The following IL1RAPL1 variants were observed in gnomAD, a reference collection of about 807,000 sequenced individuals.
The protein encoded by IL1RAPL1 is interleukin 1 receptor accessory protein like 1.
A neutral mutation model predicts 48.4 loss-of-function variants in IL1RAPL1; 3 were observed. The observed-to-expected ratio is 0.06, with a 90% confidence interval of 0.03 to 0.16. The LOEUF (loss-of-function observed/expected upper bound fraction) is 0.16, where lower values mean the gene tolerates loss of function less well. Among genes scored for constraint, IL1RAPL1 ranks in the 10% least tolerant of loss-of-function variants. The pLI, the probability that IL1RAPL1 is intolerant of heterozygous loss-of-function variation, is 1.00. For synonymous variants in IL1RAPL1, 185 were observed against 187.7 expected, an observed-to-expected ratio of 0.99 and a Z score of 0.12; for missense variants, 349 against 530.6, an observed-to-expected ratio of 0.66 and a Z score of 3.36.
intron 5 of IL1RAPL1, among the ~76,000 whole-genome samples, chrX:29,667,452 G>C (rs1926029120): frequency 8.9e-6 from 1 of 111,951 alleles, no homozygotes; most frequent in Non-Finnish European, 1.9e-5. Flanking sequence ...AAGAAAGAAA[G>C]CCCTCAAAGC....
chrX:29,010,664 AAAAT>A (rs1569218814), intron 2 of IL1RAPL1, among the ~76,000 whole-genome samples: 2 of 112,085 alleles, frequency 1.8e-5, no homozygotes, highest in African/African-American at 3.2e-5. Context: ...GTGTATTCAA[AAAAT>A]AAATAAATAA....
chrX:28,848,651 G>C (rs759875339), intron 2 of IL1RAPL1, among the ~76,000 whole-genome samples: 1 of 111,321 alleles, frequency 9.0e-6, no homozygotes, highest in South Asian at 3.7e-4. Context: ...TGGGTTCTTG[G>C]GATGCTTCCA....
At chrX:29,581,970 C>A (rs980546953) in intron 5 of IL1RAPL1, among the ~76,000 whole-genome samples, 13 of 111,595 alleles carry the variant, frequency 1.2e-4, no homozygotes, top group Non-Finnish European at 1.9e-5. Context: ...GTTGGTCTTG[C>A]AAAATGGGTA....
chrX:29,387,268 A>G lies in IL1RAPL1; in HGVS notation c.363-8990A>G, dbSNP rs150814468. On this transcript the variant is annotated intron_variant, in intron 3 of 10. Coordinates refer to ENST00000378993, the MANE Select transcript of IL1RAPL1 (RefSeq NM_014271.4). ...CGTTTTCATTTTCTCTAGACCTTTT[A>G]TAGATGAAGAATATCTTGTTTTTCC... 8.5e-3 allele frequency among the ~76,000 whole-genome samples: 956 copies of G among 112,206 alleles called. 15 individuals are homozygous for G. The highest frequency in any genetic ancestry group is 0.014 in the Non-Finnish European group (735 of 53,252).
chrX:29,085,801 GC>G (rs1274019426), intron 2 of IL1RAPL1, among the ~76,000 whole-genome samples: 1 of 111,860 alleles, frequency 8.9e-6, no homozygotes, highest in Non-Finnish European at 1.9e-5. Flanking sequence ...AATTGTTGTG[GC>G]CCGCTAGAAA....
At chrX:29,604,992 C>T (rs1167439148) in intron 5 of IL1RAPL1, among the ~76,000 whole-genome samples, 2 of 107,632 alleles carry the variant, frequency 1.9e-5, no homozygotes, top group East Asian at 3.0e-4. Flanking sequence ...GGAATGGATA[C>T]GTATTACAGT....
chrX:28,693,583 G>C (rs1935201304), intron 1 of IL1RAPL1, among the ~76,000 whole-genome samples: 1 of 112,115 alleles, frequency 8.9e-6, no homozygotes, highest in Non-Finnish European at 1.9e-5. Context: ...CTTTAGAATA[G>C]CAATACAACA....
chrX:29,497,505 T>C (rs775184358), intron 5 of IL1RAPL1, among the ~76,000 whole-genome samples: 61 of 111,614 alleles, frequency 5.5e-4, no homozygotes, highest in Non-Finnish European at 1.1e-3. Context: ...CTTTTCACTT[T>C]TTTGTTAAGA....
Position 28,878,481 on chromosome X carries a change from A to G in IL1RAPL1, c.82+89056A>G, listed in dbSNP as rs1337988848. Reference sequence around the variant, plus strand: ...AGGCGGTGTGCATGTGTCACAGTTCAGAGACCTGAAGGAAAGAGAGAAGCT... The same window carrying G: ...AGGCGGTGTGCATGTGTCACAGTTCGGAGACCTGAAGGAAAGAGAGAAGCT... On this transcript the variant is annotated intron_variant, in intron 2 of 10. Coordinates refer to ENST00000378993, the MANE Select transcript of IL1RAPL1 (RefSeq NM_014271.4). Among the ~76,000 whole-genome samples the G allele has an allele frequency of 7.1e-5, 8 of 112,312 alleles. No homozygotes were observed. In the East Asian group the frequency reaches 2.2e-3, roughly 31 times the overall value.
In IL1RAPL1 at chrX:29,350,199, A is replaced by G. The variant is rs866714612; in HGVS notation, c.363-46059A>G. On this transcript the variant is annotated intron_variant, in intron 3 of 10. Transcript: ENST00000378993. ...GTCTACATACTGTTATTTTATATAT[A>G]TATATATATATATATATATATATAT... is the stretch of plus-strand genomic sequence containing the variant. Among the ~76,000 whole-genome samples, 32 of 71,432 alleles carry G rather than the reference A, an allele frequency of 4.5e-4. 1 individual carries two copies. Among genetic ancestry groups the G allele is most frequent in the African/African-American group, 2.3e-3 (29 of 12,481 alleles). 62.0% of individuals were successfully genotyped at this position (71,432 alleles called of 115,157 possible).
chrX:28,691,699 T>G (rs1935180405), intron 1 of IL1RAPL1, among the ~76,000 whole-genome samples: 1 of 111,628 alleles, frequency 9.0e-6, no homozygotes, highest in Non-Finnish European at 1.9e-5. Context: ...CTCTCTTTCT[T>G]TCTCCCTCCC....
intron 6 of IL1RAPL1, among the ~76,000 whole-genome samples, chrX:29,803,239 A>G (rs531535088): frequency 3.3e-5 from 1 of 30,610 alleles, no homozygotes; most frequent in South Asian, 1.1e-3. Context: ...ACACATGTAT[A>G]TATGTATACA....
intron 2 of IL1RAPL1, among the ~76,000 whole-genome samples, chrX:29,230,516 A>AC (rs1569265259): frequency 3.3e-5 from 3 of 91,953 alleles, no homozygotes; most frequent in East Asian, 6.7e-4. Context: ...AAAAAAAAAA[A>AC]AAAAAAAAAA....
intron 6 of IL1RAPL1, among the ~76,000 whole-genome samples, chrX:29,850,136 TTTC>T (rs1311679288): frequency 5.3e-5 from 6 of 112,202 alleles, no homozygotes; most frequent in Non-Finnish European, 7.5e-5. Context: ...GAAAGTAGAT[TTTC>T]TTCTTCTTCA....
intron 6 of IL1RAPL1, among the ~76,000 whole-genome samples, chrX:29,882,546 C>CATATAAT (rs1424368715): frequency 9.9e-5 from 11 of 111,223 alleles, no homozygotes; most frequent in Non-Finnish European, 1.9e-4. Context: ...TTTTACAGGC[C>CATATAAT]ATATAATATA....
chrX:29,559,859 A>G (rs1318010593), intron 5 of IL1RAPL1, among the ~76,000 whole-genome samples: 1 of 111,495 alleles, frequency 9.0e-6, no homozygotes, highest in Non-Finnish European at 1.9e-5. Flanking sequence ...ATATTCATTA[A>G]GAAATTATTA....
chrX:28,730,906 C>T (rs1164451817), intron 1 of IL1RAPL1, among the ~76,000 whole-genome samples: 1 of 111,557 alleles, frequency 9.0e-6, no homozygotes, highest in Admixed American at 9.5e-5. Flanking sequence ...AATGAATGTG[C>T]CAGACTCTAC....
chrX:29,688,427 G>T (rs761967423), intron 6 of IL1RAPL1, among the ~76,000 whole-genome samples: 2 of 111,274 alleles, frequency 1.8e-5, no homozygotes, highest in African/African-American at 6.5e-5. Context: ...CTTTAAGGTC[G>T]CTTGTCATTG....
At chrX:29,710,524 G>A (rs949119946) in intron 6 of IL1RAPL1, among the ~76,000 whole-genome samples, 4 of 105,600 alleles carry the variant, frequency 3.8e-5, no homozygotes, top group Non-Finnish European at 5.8e-5. Flanking sequence ...TTCATCCCTG[G>A]GAAAATTCCC....
Sources: gnomAD v4.1 joint callset for allele counts (sites outside exome capture counted in the v4.1 genomes callset) on GRCh38, gnomAD v4.1.1 for gene constraint, MANE v1.5 for transcripts, NCBI Gene and HGNC (gene_info 2026-07-23, HGNC 2026-07-21) for gene names.